SUCLG2: variants seen among roughly 807,000 people sequenced by gnomAD.
The protein encoded by SUCLG2 is succinate--CoA ligase [GDP-forming] subunit beta, mitochondrial.
SUCLG2 carries 42 observed loss-of-function variants against 47.9 expected under a neutral mutation model. The ratio of observed to expected loss-of-function variants is 0.88; its 90% CI spans 0.69 to 1.14. The LOEUF is 1.14. Ranked by LOEUF, SUCLG2 falls within the 50% of genes most tolerant of loss-of-function variation. The pLI is 0.00. For synonymous variants in SUCLG2, 195 were observed against 197.3 expected (o/e 0.99, Z 0.10); for missense variants, 571 against 525.9 (o/e 1.09, Z -0.84).
intron 10 of SUCLG2, among the ~76,000 whole-genome samples, chr3:67,363,393 T>C (rs1701834764): frequency 6.6e-6 from 1 of 152,224 alleles, no homozygotes; most frequent in African/African-American, 2.4e-5. Flanking sequence ...GTAGAGAGCA[T>C]GTTTGATGTC....
downstream of SUCLG2, among the ~76,000 whole-genome samples, chr3:67,369,932 G>C (rs891674261): frequency 6.6e-6 from 1 of 152,068 alleles, no homozygotes; most frequent in African/African-American, 2.4e-5. Context: ...TGATTACATA[G>C]TAAATACTAA....
intron 9 of SUCLG2, chr3:67,408,867 T>C: frequency 6.9e-7 from 1 of 1,444,006 alleles, no homozygotes; most frequent in Non-Finnish European, 9.0e-7. Flanking sequence ...GGTCTTACTG[T>C]AAAGTCCATG....
intron 1 of SUCLG2, among the ~76,000 whole-genome samples, chr3:67,613,175 C>T (rs1007011930): frequency 6.6e-5 from 10 of 152,158 alleles, no homozygotes; most frequent in Admixed American, 1.3e-4. Flanking sequence ...CTTTTAGTCC[C>T]GCTCTCTTCC....
At position 67,648,620 on chromosome 3, in the gene SUCLG2, T is replaced by C. The variant is rs77219355; in HGVS notation, c.84+5883A>G. On this transcript the variant is annotated intron_variant, in intron 1 of 10. Transcript: ENST00000307227. ...AACATGGAGACTGTGAAATCTCCCC[T>C]GCAGTGATGTTGTAAGGGTTAAAGA... is the stretch of plus-strand genomic sequence containing the variant. Among the ~76,000 whole-genome samples, 819 of 152,310 alleles carry C rather than the reference T, an allele frequency of 5.4e-3. 8 individuals carry two copies. Among genetic ancestry groups the C allele is most frequent in the African/African-American group, 0.018 (740 of 41,574 alleles).
downstream of SUCLG2, among the ~76,000 whole-genome samples, chr3:67,370,525 T>C (rs1001743526): frequency 6.6e-5 from 10 of 152,150 alleles, no homozygotes; most frequent in African/African-American, 2.4e-4. Flanking sequence ...TTTATTAATA[T>C]ACAGGAATCC....
intron 2 of SUCLG2, among the ~76,000 whole-genome samples, chr3:67,578,682 G>A (rs1246521330): frequency 6.6e-6 from 1 of 152,166 alleles, no homozygotes; most frequent in Non-Finnish European, 1.5e-5. Flanking sequence ...GAGGCCATAC[G>A]AACCACTGTG....
At chr3:67,511,414 C>G (rs972096995) in intron 6 of SUCLG2, among the ~76,000 whole-genome samples, 4 of 152,152 alleles carry the variant, frequency 2.6e-5, no homozygotes, top group African/African-American at 4.8e-5. Flanking sequence ...TGGGAGGTAA[C>G]TGAATCATGG....
chr3:67,590,453 G>A (rs1223389264), intron 2 of SUCLG2, among the ~76,000 whole-genome samples: 1 of 152,096 alleles, frequency 6.6e-6, no homozygotes. Flanking sequence ...GGTCATGGGG[G>A]AAGATCCCTC....
downstream of SUCLG2, among the ~76,000 whole-genome samples, chr3:67,370,343 T>C (rs1701936225): frequency 6.6e-6 from 1 of 152,192 alleles, no homozygotes; most frequent in South Asian, 2.1e-4. Context: ...ATCTTTTAAC[T>C]AGAGGTCCAA....
At chr3:67,421,049 A>C (rs887552264) in intron 9 of SUCLG2, among the ~76,000 whole-genome samples, 2 of 152,190 alleles carry the variant, frequency 1.3e-5, no homozygotes, top group African/African-American at 4.8e-5. Flanking sequence ...AGGTCATTTC[A>C]TCCTCACAAG....
intron 1 of SUCLG2, among the ~76,000 whole-genome samples, chr3:67,622,081 T>C (rs1700746057): frequency 6.6e-6 from 1 of 152,172 alleles, no homozygotes; most frequent in Non-Finnish European, 1.5e-5. Flanking sequence ...AAGGCCTCCC[T>C]TGATTACAGA....
chr3:67,458,194 C>T (rs1017176424), intron 9 of SUCLG2, among the ~76,000 whole-genome samples: 3 of 152,122 alleles, frequency 2.0e-5, no homozygotes, highest in Non-Finnish European at 4.4e-5. Context: ...GGAAGAATGG[C>T]CTACCTAACC....
intron 9 of SUCLG2, among the ~76,000 whole-genome samples, chr3:67,428,907 A>G (rs1459344065): frequency 6.6e-6 from 1 of 152,216 alleles, no homozygotes; most frequent in Non-Finnish European, 1.5e-5. Context: ...GAGAAAAAAG[A>G]GTAAAAAGAA....
chr3:67,429,428 T>C (rs1291000292), intron 9 of SUCLG2, among the ~76,000 whole-genome samples: 1 of 152,126 alleles, frequency 6.6e-6, no homozygotes, highest in Non-Finnish European at 1.5e-5. Context: ...CAGGCCTGTC[T>C]TACAAGAGCT....
At chr3:67,454,350 G>C (rs1704129526) in intron 9 of SUCLG2, among the ~76,000 whole-genome samples, 1 of 151,896 alleles carries the variant, frequency 6.6e-6, no homozygotes, top group African/African-American at 2.4e-5. Flanking sequence ...GGTCGCACTG[G>C]TGGTTACAAG....
chr3:67,636,185 G>T (rs901632758), intron 1 of SUCLG2, among the ~76,000 whole-genome samples: 4 of 151,986 alleles, frequency 2.6e-5, no homozygotes, highest in African/African-American at 9.7e-5. Flanking sequence ...CAAAGAAATG[G>T]GTAAAGACTG....
intron 2 of SUCLG2, among the ~76,000 whole-genome samples, chr3:67,587,027 C>T (rs1258394492): frequency 6.6e-6 from 1 of 152,148 alleles, no homozygotes; most frequent in Non-Finnish European, 1.5e-5. Flanking sequence ...GTCTTGAACA[C>T]CAAAAAGCCA....
rs148885922 is a variant in SUCLG2 at position 67,476,676 on chromosome 3, C to G, written c.1062+19122G>C. On this transcript the variant is annotated intron_variant, in intron 9 of 10. Transcript: ENST00000307227. ...AAACTGTCTTCCATGAAACCAGTCCCTGGTACCAAAATGGTTGGGAACTAA... is the reference window on the plus strand; with the variant it reads ...AAACTGTCTTCCATGAAACCAGTCCGTGGTACCAAAATGGTTGGGAACTAA... Among the ~76,000 whole-genome samples the G allele has an allele frequency of 2.7e-3, 407 of 152,280 alleles. 1 individual carries two copies. The highest frequency in any genetic ancestry group is 4.5e-3 in the Non-Finnish European group (305 of 68,016).
chr3:67,650,141 T>C (rs1289130564), intron 1 of SUCLG2, among the ~76,000 whole-genome samples: 1 of 152,138 alleles, frequency 6.6e-6, no homozygotes, highest in Non-Finnish European at 1.5e-5. Flanking sequence ...TACTTCATTT[T>C]AAAAAAAGAA....
Sources: allele counts gnomAD v4.1 joint callset (sites outside exome capture counted in the v4.1 genomes callset), GRCh38; gene constraint gnomAD v4.1.1; transcripts MANE v1.5; gene names NCBI Gene and HGNC (gene_info 2026-07-23, HGNC 2026-07-21).